TBC1D22A: variants seen among roughly 807,000 people sequenced by gnomAD.
TBC1D22A encodes putative GTPase activator.
TBC1D22A carries 38 observed loss-of-function variants against 60.2 expected under a neutral mutation model. The observed-to-expected ratio is 0.63, with a 90% CI of 0.49 to 0.83. The LOEUF is 0.83. Among genes scored for constraint, TBC1D22A ranks in the 40% least tolerant of loss-of-function variants. TBC1D22A has a pLI of 0.00. For synonymous variants in TBC1D22A, 302 were observed against 281.7 expected, an observed-to-expected ratio of 1.07 and a Z score of -0.72; for missense variants, 628 against 701.0, an observed-to-expected ratio of 0.90 and a Z score of 1.18.
At chr22:47,052,872 C>T (rs996183152) in intron 11 of TBC1D22A, among the ~76,000 whole-genome samples, 4 of 152,252 alleles carry the variant, frequency 2.6e-5, no homozygotes, top group Admixed American at 1.3e-4. Context: ...ATCACTGCCA[C>T]ATGGCTGGCC....
At chr22:47,077,914 G>A (rs1224879607) in intron 11 of TBC1D22A, among the ~76,000 whole-genome samples, 1 of 152,232 alleles carries the variant, frequency 6.6e-6, no homozygotes, top group Non-Finnish European at 1.5e-5. Context: ...CCCACAGTCT[G>A]TACTCAGTAC....
chr22:46,911,771 T>G (rs1300673369), intron 7 of TBC1D22A, among the ~76,000 whole-genome samples: 1 of 151,676 alleles, frequency 6.6e-6, no homozygotes, highest in Non-Finnish European at 1.5e-5. Flanking sequence ...ATACAAAAAT[T>G]AGCCAGGCAT....
At chr22:47,101,171 A>G (rs1448191349) in intron 11 of TBC1D22A, among the ~76,000 whole-genome samples, 1 of 152,204 alleles carries the variant, frequency 6.6e-6, no homozygotes, top group Non-Finnish European at 1.5e-5. Context: ...AAAAATTGTC[A>G]AAGTGTTCTT....
intron 9 of TBC1D22A, among the ~76,000 whole-genome samples, chr22:46,980,824 A>G (rs2074485910): frequency 6.6e-6 from 1 of 152,254 alleles, no homozygotes; most frequent in Admixed American, 6.5e-5. Flanking sequence ...TTACCTATGG[A>G]GACATGAGAG....
At chr22:46,965,374 T>C (rs953515825) in intron 8 of TBC1D22A, among the ~76,000 whole-genome samples, 1 of 152,204 alleles carries the variant, frequency 6.6e-6, no homozygotes, top group African/African-American at 2.4e-5. Flanking sequence ...CGGTGAGCCA[T>C]GGATGTGCAG....
chr22:46,793,934 C>T, intron 3 of TBC1D22A, 93 bp downstream of exon 3: 1 of 1,240,634 alleles, frequency 8.1e-7, no homozygotes, highest in East Asian at 2.6e-5. Flanking sequence ...CAGTGGGTTC[C>T]CATCCTCATT....
chr22:47,160,638 G>A (rs900042290), intron 12 of TBC1D22A, among the ~76,000 whole-genome samples: 1 of 152,224 alleles, frequency 6.6e-6, no homozygotes, highest in African/African-American at 2.4e-5. Flanking sequence ...CGCTGGAGCC[G>A]TGCCATGACT....
chr22:47,118,402 C>T (rs2066146166), intron 12 of TBC1D22A, among the ~76,000 whole-genome samples: 1 of 151,906 alleles, frequency 6.6e-6, no homozygotes, highest in East Asian at 1.9e-4. Context: ...TTAAAGAACC[C>T]CCTTCAAAAT....
chr22:46,921,417 T>A (rs2070752464), intron 8 of TBC1D22A, among the ~76,000 whole-genome samples: 1 of 152,228 alleles, frequency 6.6e-6, no homozygotes, highest in Non-Finnish European at 1.5e-5. Flanking sequence ...AAGGATGTGA[T>A]CTTGTTCTTT....
intron 8 of TBC1D22A, among the ~76,000 whole-genome samples, chr22:46,930,909 C>T (rs1217804189): frequency 6.6e-6 from 1 of 152,196 alleles, no homozygotes; most frequent in Non-Finnish European, 1.5e-5. Flanking sequence ...GCTAAATTTA[C>T]AGTTTGATTA....
chr22:47,037,374 A>C (rs995379411), intron 11 of TBC1D22A, among the ~76,000 whole-genome samples, 176 bp downstream of exon 11: 2 of 152,194 alleles, frequency 1.3e-5, no homozygotes, highest in African/African-American at 4.8e-5. Context: ...TCATGCCTGT[A>C]ATCCTAGCAC....
intron 10 of TBC1D22A, among the ~76,000 whole-genome samples, chr22:47,035,852 C>T (rs913144112): frequency 2.5e-4 from 38 of 152,316 alleles, no homozygotes; most frequent in African/African-American, 7.7e-4. Flanking sequence ...GCTCCTGGTC[C>T]GTCAGGTGGA....
chr22:47,119,091 G>A (rs1233780945), intron 12 of TBC1D22A, among the ~76,000 whole-genome samples: 1 of 152,144 alleles, frequency 6.6e-6, no homozygotes, highest in African/African-American at 2.4e-5. Context: ...AGAGGTTGCA[G>A]TGAGCCGAGA....
chr22:47,070,299 G>T (rs1286770082), intron 11 of TBC1D22A, among the ~76,000 whole-genome samples: 32 of 146,282 alleles, frequency 2.2e-4, no homozygotes, highest in African/African-American at 7.8e-4. Context: ...GGTTGGAGCG[G>T]AGCTGACTTG....
At position 46,894,834 on chromosome 22, in the gene TBC1D22A, C is replaced by T. The variant is rs781191308; in HGVS notation, c.888C>T (p.Pro296=). The T allele has an allele frequency of 7.4e-6, 12 of 1,614,098 alleles. No individual in the cohort carries two copies. Among genetic ancestry groups the T allele is most frequent in the Admixed American group, 1.7e-5 (1 of 60,008 alleles). Residue 296 remains proline, a synonymous_variant, in exon 7 of 13, where the codon CCC becomes CCT. Transcript: ENST00000337137. The part of the protein sequence containing the change: ...RMSPEALILQ[P]KVTEIFERIL... Reference sequence around the variant, plus strand: ...GCCCTGAAGCGTTGATCCTGCAGCCCAAGGTGACGGAGGTAAGAAGCTCTT... The same window carrying T: ...GCCCTGAAGCGTTGATCCTGCAGCCTAAGGTGACGGAGGTAAGAAGCTCTT...
At chr22:46,925,335 C>T (rs751303860) in intron 8 of TBC1D22A, among the ~76,000 whole-genome samples, 2 of 152,208 alleles carry the variant, frequency 1.3e-5, no homozygotes, top group Non-Finnish European at 2.9e-5. Context: ...CCACGTGAGA[C>T]AAGCAGAGAG....
At position 46,841,045 on chromosome 22, in the gene TBC1D22A, TGG is replaced by T. The variant is rs1491476465; in HGVS notation, c.638-37606_638-37605del. On this transcript the variant is annotated intron_variant, in intron 4 of 12. Transcript: ENST00000337137. ...CCGATGAATGAATGAGTAATGAAAA[TGG>T]GTGTGTGTGTGTGTGTGTGTGTGTG... 2.2e-4 allele frequency among the ~76,000 whole-genome samples: 14 copies of T among 64,510 alleles called. No individual in the cohort carries two copies. In the East Asian group the frequency reaches 2.6e-3, roughly 12 times the overall value. The allele number at this position is 64,510 out of a possible 152,430, so 42.3% of individuals were successfully genotyped here. A position where few individuals can be genotyped will look rare whatever the true frequency, so the allele number is the denominator to read the frequency against.
chr22:47,132,278 C>G (rs957663692), intron 12 of TBC1D22A, among the ~76,000 whole-genome samples: 1 of 152,194 alleles, frequency 6.6e-6, no homozygotes, highest in Non-Finnish European at 1.5e-5. Context: ...CCTCTTCTGG[C>G]CCCGTGCCAC....
intron 10 of TBC1D22A, among the ~76,000 whole-genome samples, chr22:47,004,468 A>T (rs1201356038): frequency 6.7e-6 from 1 of 149,410 alleles, no homozygotes; most frequent in African/African-American, 2.5e-5. Context: ...CCTGCCATAT[A>T]CACATACACA....
Sources: gnomAD v4.1 joint callset for allele counts (sites outside exome capture counted in the v4.1 genomes callset) on GRCh38, gnomAD v4.1.1 for gene constraint, MANE v1.5 for transcripts, NCBI Gene and HGNC (gene_info 2026-07-23, HGNC 2026-07-21) for gene names.